Variants in COQ5 observed in about 807,000 individuals in gnomAD.
The protein encoded by COQ5 is coenzyme Q5, methyltransferase.
COQ5 carries 27 observed loss-of-function variants against 40.5 expected under a neutral mutation model. The ratio of observed to expected loss-of-function variants is 0.67; its 90% CI spans 0.49 to 0.92. COQ5 has a LOEUF of 0.92. Among genes scored for constraint, COQ5 ranks in the 40% least tolerant of loss-of-function variants. The pLI is 0.00. For missense variants in COQ5, 409 were observed against 406.4 expected, an observed-to-expected ratio of 1.01 and a Z score of -0.06; for synonymous variants, 141 against 150.0, an observed-to-expected ratio of 0.94 and a Z score of 0.44.
chr12:120,507,233 G>A (rs1474977503), intron 4 of COQ5, among the ~76,000 whole-genome samples: 2 of 151,748 alleles, frequency 1.3e-5, no homozygotes, highest in East Asian at 1.9e-4. Flanking sequence ...CATCTTTAAC[G>A]ATTAATAAGA....
chr12:120,510,899 G>T (rs1333231047), intron 3 of COQ5, among the ~76,000 whole-genome samples: 2 of 152,064 alleles, frequency 1.3e-5, no homozygotes, highest in African/African-American at 2.4e-5. Flanking sequence ...AATACAAAAA[G>T]AAGACTGTAT....
chr12:120,509,412 T>C (rs1384644264), intron 4 of COQ5, among the ~76,000 whole-genome samples: 1 of 152,158 alleles, frequency 6.6e-6, no homozygotes, highest in African/African-American at 2.4e-5. Flanking sequence ...ACGTTCCCCT[T>C]TTCCTGTAGA....
At chr12:120,519,724 G>C (rs1356846758) in intron 2 of COQ5, among the ~76,000 whole-genome samples, 1 of 152,056 alleles carries the variant, frequency 6.6e-6, no homozygotes, top group Non-Finnish European at 1.5e-5. Context: ...TACAAAATTA[G>C]CTGGGTGTGG....
At chr12:120,520,239 G>A (rs575409144) in intron 2 of COQ5, among the ~76,000 whole-genome samples, 4 of 151,898 alleles carry the variant, frequency 2.6e-5, no homozygotes, top group African/African-American at 2.4e-5. Flanking sequence ...TGCCTCCTGG[G>A]TTCCAGTGAT....
At position 120,521,606 on chromosome 12, in the gene COQ5, T is replaced by A. The variant is rs1406585299; in HGVS notation, c.352+608A>T. ...CAGAGAATTGCTTGAACCCCGGAGG[T>A]GGAGGTTGCAGTGGAGCCGAGATTG... On this transcript the variant is annotated intron_variant, in intron 2 of 6. Coordinates refer to ENST00000288532, the MANE Select transcript of COQ5 (RefSeq NM_032314.4). Among the ~76,000 whole-genome samples the A allele has an allele frequency of 5.0e-5, 6 of 120,004 alleles. No individual in the cohort carries two copies. The East Asian group carries it at 1.2e-3, about 24-fold the overall frequency. The allele number at this position is 120,004 out of a possible 152,430, so 78.7% of individuals were successfully genotyped here.
intron 5 of COQ5, among the ~76,000 whole-genome samples, chr12:120,504,347 G>A (rs1868783462): frequency 6.7e-6 from 1 of 150,246 alleles, no homozygotes; most frequent in Admixed American, 6.7e-5. Flanking sequence ...GGGCTGCCAT[G>A]TATCTGATTT....
At chr12:120,522,547 T>C (rs1032809373) in intron 1 of COQ5, 184 bp from the exon 2 acceptor site, 36 of 657,790 alleles carry the variant, frequency 5.5e-5, no homozygotes, top group Non-Finnish European at 8.8e-5. Flanking sequence ...TATTTTTTTT[T>C]CCTGCCTCAG....
intron 1 of COQ5, among the ~76,000 whole-genome samples, chr12:120,525,126 G>A (rs145061131): frequency 7.9e-5 from 12 of 151,960 alleles, no homozygotes; most frequent in East Asian, 1.9e-4. Context: ...TTGAGACGGC[G>A]TCTAGCTCTG....
intron 5 of COQ5, among the ~76,000 whole-genome samples, chr12:120,504,418 T>TA (rs1433658739): frequency 1.6e-4 from 24 of 148,240 alleles, no homozygotes; most frequent in African/African-American, 5.9e-4. Flanking sequence ...ATTTTTTTTT[T>TA]TTTTTTTTTT....
chr12:120,528,453 C>T (rs539147463), intron 1 of COQ5, among the ~76,000 whole-genome samples: 2 of 152,240 alleles, frequency 1.3e-5, no homozygotes, highest in East Asian at 1.9e-4. Context: ...AATGTCTGTA[C>T]GTTGCCTGGC....
chr12:120,511,395 T>G (rs1184020454), intron 3 of COQ5, among the ~76,000 whole-genome samples: 1 of 152,196 alleles, frequency 6.6e-6, no homozygotes, highest in Non-Finnish European at 1.5e-5. Context: ...ATGTACATCT[T>G]TAGATAGATT....
chr12:120,509,771 CTA>C, intron 4 of COQ5: 3 of 476,084 alleles, frequency 6.3e-6, no homozygotes, highest in East Asian at 7.9e-5. Flanking sequence ...AAAAATCTAT[CTA>C]TCTCTCTCTC....
chr12:120,518,582 CT>C (rs1173316188), intron 2 of COQ5, among the ~76,000 whole-genome samples: 1 of 148,170 alleles, frequency 6.7e-6, no homozygotes, highest in African/African-American at 2.5e-5. Flanking sequence ...TTTTTTTTCC[CT>C]GAGACGGAGG....
At chr12:120,507,441 C>G (rs936641919) in intron 4 of COQ5, among the ~76,000 whole-genome samples, 2 of 151,170 alleles carry the variant, frequency 1.3e-5, no homozygotes, top group African/African-American at 4.8e-5. Flanking sequence ...CGCGCCACCA[C>G]GCCCAGCTAA....
intron 2 of COQ5, among the ~76,000 whole-genome samples, chr12:120,521,679 C>CAAAAAA (rs71076625): frequency 8.8e-6 from 1 of 114,142 alleles, no homozygotes; most frequent in Admixed American, 9.3e-5. Context: ...ACTCCATCTC[C>CAAAAAA]AAAAAAAAAA....
intron 4 of COQ5, among the ~76,000 whole-genome samples, chr12:120,507,457 G>T (rs1171656104): frequency 6.7e-6 from 1 of 149,684 alleles, no homozygotes; most frequent in Non-Finnish European, 1.5e-5. Context: ...GCTAATTTTT[G>T]TATTTTTAGT....
At chr12:120,516,245 C>A (rs1280484783) in intron 3 of COQ5, among the ~76,000 whole-genome samples, 1 of 152,174 alleles carries the variant, frequency 6.6e-6, no homozygotes, top group Non-Finnish European at 1.5e-5. Context: ...GTCTCAGGGT[C>A]TCAGAGCTGA....
intron 1 of COQ5, chr12:120,527,000 C>G (rs1869984929): frequency 6.6e-6 from 1 of 151,128 alleles, no homozygotes; most frequent in Non-Finnish European, 1.5e-5. Flanking sequence ...CAGGCGTGAG[C>G]CACTGCGCCC....
intron 3 of COQ5, among the ~76,000 whole-genome samples, chr12:120,516,110 A>G (rs1237405800): frequency 1.3e-5 from 2 of 152,088 alleles, no homozygotes; most frequent in Non-Finnish European, 2.9e-5. Context: ...TTTACAGGAG[A>G]TGAGAGGTCC....
Sources: allele counts gnomAD v4.1 joint callset (sites outside exome capture counted in the v4.1 genomes callset), GRCh38; gene constraint gnomAD v4.1.1; transcripts MANE v1.5; gene names NCBI Gene and HGNC (gene_info 2026-07-23, HGNC 2026-07-21).